The following PACRG variants were observed in gnomAD, a reference collection of about 807,000 sequenced individuals.
PACRG encodes parkin coregulated, also known as parkin coregulated gene protein.
A neutral mutation model predicts 29.7 loss-of-function variants in PACRG; 29 were observed. The ratio of observed to expected loss-of-function variants is 0.98; its 90% CI spans 0.73 to 1.33. The LOEUF is 1.33. Ranked by LOEUF, PACRG falls within the 40% of genes most tolerant of loss-of-function variation. The pLI is 0.00. For missense variants in PACRG, 279 were observed against 316.2 expected, an observed-to-expected ratio of 0.88 and a Z score of 0.89; for synonymous variants, 116 against 118.7, an observed-to-expected ratio of 0.98 and a Z score of 0.15.
intron 1 of PACRG, among the ~76,000 whole-genome samples, chr6:162,773,494 A>T (rs865988990): frequency 0.013 from 878 of 66,046 alleles, 11 homozygotes; most frequent in African/African-American, 0.034. Context: ...ACAGCTTGTC[A>T]TTTTTTTTTT....
At position 162,958,960 on chromosome 6, in the gene PACRG, C is replaced by G. The variant is rs1000724002; in HGVS notation, c.292-103190C>G. Among the ~76,000 whole-genome samples the G allele has an allele frequency of 2.1e-5, 3 of 141,554 alleles. No homozygotes were observed. The Admixed American group carries it at 2.2e-4, about 10-fold the overall frequency. The allele number at this position is 141,554 out of a possible 152,430, so 92.9% of individuals were successfully genotyped here. A position where few individuals can be genotyped will look rare whatever the true frequency, so the allele number is the denominator to read the frequency against. ...AGAGATGAAATCTCACTCCATCACCCAGGCTGGAATGTAGTGGTGTGATCA... is the reference window on the plus strand; with the variant it reads ...AGAGATGAAATCTCACTCCATCACCGAGGCTGGAATGTAGTGGTGTGATCA... On this transcript the variant is annotated intron_variant, in intron 2 of 4. Transcript: ENST00000366888.
chr6:163,058,825 G>A (rs1031304767), intron 2 of PACRG, among the ~76,000 whole-genome samples: 5 of 152,200 alleles, frequency 3.3e-5, no homozygotes, highest in Admixed American at 1.3e-4. Flanking sequence ...GCGTGAACCC[G>A]GGAGGCAGAG....
intron 1 of PACRG, among the ~76,000 whole-genome samples, chr6:162,749,640 T>C (rs555032932): frequency 6.8e-4 from 103 of 152,158 alleles, no homozygotes; most frequent in African/African-American, 2.4e-3. Flanking sequence ...CCTGCCTCAG[T>C]CCCCTGAGTA....
chr6:162,958,750 GTGTGTA>G (rs1480948652), intron 2 of PACRG, among the ~76,000 whole-genome samples: 2 of 149,762 alleles, frequency 1.3e-5, no homozygotes, highest in South Asian at 2.1e-4. Context: ...GTGTGTGTGT[GTGTGTA>G]TATATATACA....
chr6:163,067,140 G>A (rs142389261), intron 3 of PACRG, among the ~76,000 whole-genome samples: 66 of 152,214 alleles, frequency 4.3e-4, no homozygotes, highest in African/African-American at 1.4e-3. Flanking sequence ...CCTTCCTGCT[G>A]TAGCACCGCT....
intron 2 of PACRG, among the ~76,000 whole-genome samples, chr6:162,895,041 G>A (rs565818698): frequency 1.8e-4 from 27 of 152,012 alleles, no homozygotes; most frequent in African/African-American, 6.3e-4. Flanking sequence ...TAACTTTTAG[G>A]TAATTATAAA....
intron 1 of PACRG, among the ~76,000 whole-genome samples, chr6:162,753,074 TTCA>T (rs1220074865): frequency 3.3e-5 from 5 of 152,206 alleles, no homozygotes; most frequent in African/African-American, 4.8e-5. Flanking sequence ...TAATTACATA[TTCA>T]TCATCTTGCT....
chr6:162,850,544 A>G (rs892687673), intron 2 of PACRG, among the ~76,000 whole-genome samples: 2 of 152,184 alleles, frequency 1.3e-5, no homozygotes, highest in Non-Finnish European at 2.9e-5. Context: ...CCAATGCACA[A>G]TGGTTTAATC....
At chr6:162,939,676 CGTGTGTGT>C (rs56193057) in intron 2 of PACRG, among the ~76,000 whole-genome samples, 28 of 149,410 alleles carry the variant, frequency 1.9e-4, no homozygotes, top group African/African-American at 4.9e-4. Context: ...CTGTATTTGA[CGTGTGTGT>C]GTGTGTGTGT....
intron 4 of PACRG, among the ~76,000 whole-genome samples, chr6:163,173,691 A>G (rs1354438752): frequency 2.0e-5 from 3 of 152,156 alleles, no homozygotes; most frequent in Admixed American, 6.5e-5. Context: ...TTCCTTTTCC[A>G]TAGGAAATAT....
chr6:163,057,966 G>A (rs1390674572), intron 2 of PACRG, among the ~76,000 whole-genome samples: 1 of 151,942 alleles, frequency 6.6e-6, no homozygotes, highest in African/African-American at 2.4e-5. Context: ...TCAATGCCTT[G>A]GTAAAATAAC....
At chr6:162,868,460 G>A (rs915877280) in intron 2 of PACRG, among the ~76,000 whole-genome samples, 2 of 152,228 alleles carry the variant, frequency 1.3e-5, no homozygotes, top group Non-Finnish European at 1.5e-5. Context: ...CAGGCCAGCC[G>A]CCGCAGCACA....
chr6:163,104,939 T>G (rs1178515881), intron 4 of PACRG, among the ~76,000 whole-genome samples: 1 of 152,116 alleles, frequency 6.6e-6, no homozygotes, highest in East Asian at 1.9e-4. Context: ...AATAACTCAT[T>G]GAACAAGTAC....
intron 2 of PACRG, among the ~76,000 whole-genome samples, chr6:162,864,981 C>T (rs1792174162): frequency 1.3e-5 from 2 of 152,142 alleles, no homozygotes; most frequent in Non-Finnish European, 2.9e-5. Flanking sequence ...TTTAGACTTA[C>T]ATAGTGATTG....
rs542808041 is a variant in PACRG at position 163,028,098 on chromosome 6, G to A, written c.292-34052G>A. 6.0e-4 allele frequency among the ~76,000 whole-genome samples: 92 copies of A among 152,278 alleles called. 3 individuals are homozygous for A. In the South Asian group the frequency reaches 0.018, roughly 30 times the overall value. ...ATGCATACTAACCCCAAAAGAGGCC[G>A]GCAGAGGTGGTTCATTTGGGTGAAC... is the stretch of plus-strand genomic sequence containing the variant. On this transcript the variant is annotated intron_variant, in intron 2 of 4. Coordinates refer to ENST00000366888, the MANE Select transcript of PACRG (RefSeq NM_001080379.2).
chr6:163,201,217 T>G (rs541864931), intron 4 of PACRG, among the ~76,000 whole-genome samples: 1 of 152,350 alleles, frequency 6.6e-6, no homozygotes, highest in African/African-American at 2.4e-5. Context: ...AAACCTTTAA[T>G]TTACAGAAAG....
intron 2 of PACRG, among the ~76,000 whole-genome samples, chr6:162,922,374 T>C (rs2128095509): frequency 6.6e-6 from 1 of 151,446 alleles, no homozygotes; most frequent in South Asian, 2.1e-4. Context: ...AACACAGTGA[T>C]CAAACCAGAG....
At chr6:163,067,253 C>G (rs1443615854) in intron 3 of PACRG, among the ~76,000 whole-genome samples, 2 of 152,188 alleles carry the variant, frequency 1.3e-5, no homozygotes, top group Non-Finnish European at 2.9e-5. Flanking sequence ...AGCCCGTGGT[C>G]GATGCTGTTG....
upstream of PACRG, chr6:162,727,923 A>T (rs1008526612): frequency 5.1e-6 from 3 of 589,758 alleles, no homozygotes; most frequent in Non-Finnish European, 3.0e-6. Context: ...CAGGCCCAGC[A>T]ATCTTACGTC....
Sources: allele counts gnomAD v4.1 joint callset (sites outside exome capture counted in the v4.1 genomes callset), GRCh38; gene constraint gnomAD v4.1.1; transcripts MANE v1.5; gene names NCBI Gene and HGNC (gene_info 2026-07-23, HGNC 2026-07-21).